Variants in ACP6 observed in about 807,000 individuals in gnomAD.
ACP6 encodes the protein lysophosphatidic acid phosphatase type 6.
In ACP6, 48 loss-of-function variants were observed where a neutral mutation model predicts 48.1. The observed-to-expected ratio is 1.00, with a 90% CI of 0.79 to 1.27. The LOEUF (loss-of-function observed/expected upper bound fraction) is 1.27, where lower values mean the gene tolerates loss of function less well. ACP6 is among the 50% of genes most tolerant of loss of function. The pLI, the probability that ACP6 is intolerant of heterozygous loss-of-function variation, is 0.00. For missense variants in ACP6, 485 were observed against 529.1 expected (o/e 0.92, Z 0.82); for synonymous variants, 172 against 204.2 (o/e 0.84, Z 1.34).
At chr1:147,660,302 A>G (rs181059393) in intron 1 of ACP6, among the ~76,000 whole-genome samples, 3 of 152,318 alleles carry the variant, frequency 2.0e-5, no homozygotes, top group East Asian at 1.9e-4. Flanking sequence ...ATCATCTTCC[A>G]TTATTCCTTG....
rs1661035671 is a variant in ACP6, at chr1:147,670,324, G to A, written c.-276C>T. 3 of 374,964 alleles carry A rather than the reference G, an allele frequency of 8.0e-6. No individual in the cohort carries two copies. Among genetic ancestry groups the A allele is most frequent in the Non-Finnish European group, 9.7e-6 (2 of 206,316 alleles). 23.2% of individuals were successfully genotyped at this position (374,964 alleles called of 1,614,324 possible). A position where few individuals can be genotyped will look rare whatever the true frequency, so the allele number is the denominator to read the frequency against. ...GCTCCTGCTGCACACCGGGCCGGGG[G>A]AGATCGGATCCTTATCTTTTGCCCG... On this transcript the variant is annotated 5_prime_UTR_variant, in exon 1 of 10. Transcript: ENST00000583509.
At chr1:147,636,670 A>G (rs1169993652) in intron 5 of ACP6, among the ~76,000 whole-genome samples, 1 of 152,204 alleles carries the variant, frequency 6.6e-6, no homozygotes, top group Admixed American at 6.5e-5. Context: ...TGAAACTGTT[A>G]TCGGACAACA....
chr1:147,634,725 A>G (rs1659254770), intron 5 of ACP6, among the ~76,000 whole-genome samples: 1 of 152,200 alleles, frequency 6.6e-6, no homozygotes, highest in Non-Finnish European at 1.5e-5. Context: ...TTGATTCATC[A>G]GTCTCTACAA....
Position 147,652,562 on chromosome 1 carries a change from C to T in ACP6, c.781-13G>A. On this transcript the variant is annotated splice_polypyrimidine_tract_variant and intron_variant, in intron 6 of 9. Coordinates refer to ENST00000583509, the MANE Select transcript of ACP6 (RefSeq NM_016361.5). ...GGAGGTTGTGTGCCTGAAAGGGCCA[C>T]ATGTAGTTTTAGAAAAAAATGCTTC... The T allele has an allele frequency of 6.2e-7, 1 of 1,613,926 alleles. No individual in the cohort carries two copies. Among genetic ancestry groups the T allele is most frequent in the Non-Finnish European group, 8.5e-7 (1 of 1,179,986 alleles).
intron 1 of ACP6, among the ~76,000 whole-genome samples, chr1:147,668,134 G>A (rs587619538): frequency 1.1e-4 from 16 of 152,272 alleles, no homozygotes; most frequent in African/African-American, 2.9e-4. Context: ...TGATTTTCAT[G>A]CACACAACTT....
At chr1:147,665,990 T>C (rs1242254891) in intron 1 of ACP6, among the ~76,000 whole-genome samples, 1 of 152,180 alleles carries the variant, frequency 6.6e-6, no homozygotes. Flanking sequence ...AAAATTAAAA[T>C]ATAGTAAGAC....
At chr1:147,651,144 C>T (rs587749451) in intron 7 of ACP6, 27 of 152,290 alleles carry the variant, frequency 1.8e-4, no homozygotes, top group African/African-American at 6.0e-4. Flanking sequence ...GGATGAAGAG[C>T]AGGCAACCAA....
intron 5 of ACP6, among the ~76,000 whole-genome samples, chr1:147,636,146 A>G (rs1345864039): frequency 1.3e-5 from 2 of 152,156 alleles, no homozygotes; most frequent in South Asian, 2.1e-4. Context: ...AAACCTAAGC[A>G]TGTGGGGGAA....
chr1:147,666,376 C>A (rs781850085), intron 1 of ACP6, among the ~76,000 whole-genome samples: 9 of 152,144 alleles, frequency 5.9e-5, no homozygotes, highest in Non-Finnish European at 1.3e-4. Flanking sequence ...TAACCTCTTA[C>A]CAAAGCACAT....
At chr1:147,654,138 C>A in intron 6 of ACP6, 56 bp downstream of exon 6, 2 of 1,595,640 alleles carry the variant, frequency 1.3e-6, no homozygotes, top group South Asian at 1.1e-5. Flanking sequence ...CCGGTTCTAA[C>A]TCCGGAGCCA....
At chr1:147,641,633 AAGGCAGGGAC>A (rs1659455714), downstream of ACP6, among the ~76,000 whole-genome samples, 2 of 152,366 alleles carry the variant, frequency 1.3e-5, no homozygotes, top group South Asian at 4.1e-4. Context: ...GAAAGGAGTC[AAGGCAGGGAC>A]AGGTTAGGAA....
downstream of ACP6, among the ~76,000 whole-genome samples, chr1:147,641,505 C>A (rs1430211701): frequency 6.6e-6 from 1 of 152,182 alleles, no homozygotes; most frequent in Non-Finnish European, 1.5e-5. Flanking sequence ...ATGAAGTCGG[C>A]CTTCCCTGGC....
intron 1 of ACP6, among the ~76,000 whole-genome samples, chr1:147,667,310 C>T (rs1360276648): frequency 1.3e-5 from 2 of 152,056 alleles, no homozygotes; most frequent in Admixed American, 6.5e-5. Context: ...CTCCGCCTCC[C>T]GGGTTCAAGC....
Position 147,659,439 on chromosome 1 carries a change from C to G in ACP6, c.436G>C (p.Asp146His). 4 of 1,614,234 alleles carry G rather than the reference C, an allele frequency of 2.5e-6. No homozygotes were observed. Among genetic ancestry groups the G allele is most frequent in the Non-Finnish European group, 3.4e-6 (4 of 1,180,030 alleles). Residue 146 changes from aspartate to histidine, a missense_variant, in exon 3 of 10, where the codon GAC becomes CAC. Transcript: ENST00000583509. ...AAGGTTGGTGAAAGAAAGGGAATGT[C>G]TTCCACATAGTTCTTCCTCAGTCTC... ...GERLRKNYVEDIPFLSPTFNP... is the reference protein window; with the variant it reads ...GERLRKNYVEHIPFLSPTFNP...
downstream of ACP6, among the ~76,000 whole-genome samples, chr1:147,639,945 C>G (rs1659405893): frequency 6.6e-6 from 1 of 152,084 alleles, no homozygotes; most frequent in Non-Finnish European, 1.5e-5. Flanking sequence ...TTAGCTATTC[C>G]TTTGATTTCA....
At chr1:147,665,728 C>T (rs1398059857) in intron 1 of ACP6, among the ~76,000 whole-genome samples, 1 of 152,226 alleles carries the variant, frequency 6.6e-6, no homozygotes, top group Non-Finnish European at 1.5e-5. Context: ...ATCTGTTAGG[C>T]ACATTCACCA....
Position 147,659,792 on chromosome 1 carries a change from AAC to A in ACP6, c.220-19_220-18del, listed in dbSNP as rs782053185. On this transcript the variant is annotated intron_variant, in intron 1 of 9. Transcript: ENST00000583509. ...CCACTCTACCTGTTAGTACAAAAAA[AAC>A]ACACCACATTGTTTAAAAATGGTTC... 4 of 1,612,100 alleles carry A rather than the reference AAC, an allele frequency of 2.5e-6. No individual in the cohort carries two copies. The highest frequency in any genetic ancestry group is 1.7e-5 in the Admixed American group (1 of 59,922).
chr1:147,655,945 G>C (rs1189005759), intron 4 of ACP6, among the ~76,000 whole-genome samples: 1 of 152,112 alleles, frequency 6.6e-6, no homozygotes, highest in African/African-American at 2.4e-5. Flanking sequence ...GAGATGGCAA[G>C]TGCCATCTCT....
At position 147,655,185 on chromosome 1, in the gene ACP6, CA is replaced by C. The variant is rs1169091197; in HGVS notation, c.622del (p.Cys208AlafsTer4). On this transcript the variant is annotated frameshift_variant, in exon 5 of 10. Transcript: ENST00000583509. LOFTEE classifies it high-confidence loss of function. ...CCTGGTTCTCTGCCTCAGGCTCCAG[CA>C]GCTTTGGTAGTTGGGATACAAGACT... Reference protein sequence around the residue: ...SEVLYPNYQSCWSLRQRTRGR... With the variant: ...SEVLYPNYQSXWSLRQRTRGR... 1 of 1,608,138 alleles carries C rather than the reference CA, an allele frequency of 6.2e-7. No individual in the cohort carries two copies. Among genetic ancestry groups the C allele is most frequent in the Non-Finnish European group, 8.5e-7 (1 of 1,177,050 alleles).
Sources: gnomAD v4.1 joint callset for allele counts (sites outside exome capture counted in the v4.1 genomes callset) on GRCh38, gnomAD v4.1.1 for gene constraint, MANE v1.5 for transcripts, NCBI Gene and HGNC (gene_info 2026-07-23, HGNC 2026-07-21) for gene names.